CORO2A: variants seen among roughly 807,000 people sequenced by gnomAD.
The protein encoded by CORO2A is coronin 2A.
Under a neutral mutation model 62.4 loss-of-function variants are expected in CORO2A, and 47 were observed. The observed-to-expected ratio is 0.75, with a 90% confidence interval of 0.60 to 0.96. The LOEUF (loss-of-function observed/expected upper bound fraction) is 0.96, where lower values mean the gene tolerates loss of function less well. CORO2A is among the 40% of genes least tolerant of loss of function. The probability of loss-of-function intolerance (pLI) is 0.00; values close to 1 mark genes in which losing one functional copy is unlikely to be tolerated. For missense variants in CORO2A, 610 were observed against 684.1 expected (o/e 0.89, Z 1.21); for synonymous variants, 273 against 268.9 (o/e 1.02, Z -0.15).
intron 3 of CORO2A, 40 bp downstream of exon 3, chr9:98,137,532 C>T: frequency 1.3e-6 from 2 of 1,542,190 alleles, no homozygotes; most frequent in South Asian, 1.1e-5. Context: ...CCCAATCCCA[C>T]TCTTCAGGAA....
In CORO2A at chr9:98,173,590, G is replaced by A. The variant is rs529245318; in HGVS notation, c.1-15930C>T. Among the ~76,000 whole-genome samples, 43 of 152,210 alleles carry A rather than the reference G, an allele frequency of 2.8e-4. No individual in the cohort carries two copies. The South Asian group carries it at 8.3e-3, about 29-fold the overall frequency. ...TTGCATGCTCTGAGGCCAGCACTCC[G>A]GAACTGGGCGTCCCAATCCTCCTCG... On this transcript the variant is annotated intron_variant, in intron 1 of 11. Coordinates refer to ENST00000375077, the MANE Select transcript of CORO2A (RefSeq NM_052820.4).
intron 3 of CORO2A, among the ~76,000 whole-genome samples, chr9:98,135,894 G>C (rs61080625): frequency 2.0e-5 from 3 of 152,280 alleles, no homozygotes; most frequent in African/African-American, 2.4e-5. Context: ...ATAGAACCCC[G>C]GGAGGAAGAC....
At chr9:98,188,414 T>C (rs528372555) in intron 1 of CORO2A, among the ~76,000 whole-genome samples, 6 of 152,332 alleles carry the variant, frequency 3.9e-5, no homozygotes, top group Middle Eastern at 3.4e-3. Flanking sequence ...GGGGAAGATC[T>C]TTCTGGTCTA....
intron 1 of CORO2A, among the ~76,000 whole-genome samples, chr9:98,180,066 G>C (rs1306292690): frequency 6.6e-6 from 1 of 152,046 alleles, no homozygotes; most frequent in Non-Finnish European, 1.5e-5. Context: ...GACATTTTAC[G>C]ATCATAATGT....
chr9:98,136,095 G>T (rs1016042436), intron 3 of CORO2A, among the ~76,000 whole-genome samples: 1 of 152,220 alleles, frequency 6.6e-6, no homozygotes, highest in African/African-American at 2.4e-5. Context: ...CAACAGTCAC[G>T]TCCTGCCCTG....
chr9:98,124,089 C>G lies in CORO2A; in HGVS notation c.*685G>C, dbSNP rs896417163. 1 of 150,622 alleles carries G rather than the reference C, an allele frequency of 6.6e-6. No homozygotes were observed. The highest frequency in any genetic ancestry group is 1.5e-5 in the Non-Finnish European group (1 of 67,830). 9.3% of individuals were successfully genotyped at this position (150,622 alleles called of 1,614,324 possible). A position where few individuals can be genotyped will look rare whatever the true frequency, so the allele number is the denominator to read the frequency against. ...AGTGCAGTGGCACAATCTCAGCTCACTGCAACCCCCGCCTTCCGGTTTCAA... is the reference window on the plus strand; with the variant it reads ...AGTGCAGTGGCACAATCTCAGCTCAGTGCAACCCCCGCCTTCCGGTTTCAA... On this transcript the variant is annotated 3_prime_UTR_variant, in exon 12 of 12. Transcript: ENST00000375077.
chr9:98,145,157 G>A (rs868598376), intron 2 of CORO2A, among the ~76,000 whole-genome samples: 20 of 152,154 alleles, frequency 1.3e-4, no homozygotes, highest in Middle Eastern at 6.3e-3. Context: ...GGATGAAAGC[G>A]GTGAACCACA....
At chr9:98,128,069 G>A (rs1181861890) in intron 10 of CORO2A, 101 bp downstream of exon 10, 2 of 914,268 alleles carry the variant, frequency 2.2e-6, no homozygotes, top group Non-Finnish European at 3.5e-6. Flanking sequence ...GAGGTCATGA[G>A]AGAAGAAAAA....
intron 1 of CORO2A, among the ~76,000 whole-genome samples, chr9:98,180,882 G>A (rs1828167718): frequency 6.6e-6 from 1 of 152,158 alleles, no homozygotes; most frequent in African/African-American, 2.4e-5. Context: ...ACCATGCTCA[G>A]CAACACCTTT....
intron 5 of CORO2A, 66 bp downstream of exon 5, chr9:98,132,972 C>T (rs1827430282): frequency 3.2e-6 from 5 of 1,566,424 alleles, no homozygotes; most frequent in Non-Finnish European, 4.4e-6. Context: ...TCTCTGAAGC[C>T]TCTCTCTGTC....
At chr9:98,139,041 G>A (rs541020455) in intron 2 of CORO2A, among the ~76,000 whole-genome samples, 4 of 123,026 alleles carry the variant, frequency 3.3e-5, no homozygotes, top group African/African-American at 9.3e-5. Flanking sequence ...GCAAGATTCT[G>A]TCTCAAAAAA....
chr9:98,131,204 CG>C, intron 6 of CORO2A, 145 bp from the exon 7 acceptor site: 4 of 606,650 alleles, frequency 6.6e-6, no homozygotes, highest in African/African-American at 1.9e-5. Flanking sequence ...TATGTGTGTG[CG>C]GGGGGAAGAT....
chr9:98,130,437 C>A (rs1286243928), intron 7 of CORO2A, among the ~76,000 whole-genome samples: 2 of 152,180 alleles, frequency 1.3e-5, no homozygotes, highest in East Asian at 3.9e-4. Flanking sequence ...CCAAAGCCCA[C>A]CCTTTTTCCT....
In CORO2A at chr9:98,167,561, T is replaced by C. The variant is rs886767103; in HGVS notation, c.1-9901A>G. ...GAAAAAGGGACAAGGGTCATTACAG[T>C]TCAGAAGAGACTTAAGAGATCAGAG... On this transcript the variant is annotated intron_variant, in intron 1 of 11. Coordinates refer to ENST00000375077, the MANE Select transcript of CORO2A (RefSeq NM_052820.4). Among the ~76,000 whole-genome samples the C allele has an allele frequency of 2.0e-5, 3 of 152,352 alleles. No individual in the cohort carries two copies. The East Asian group carries it at 5.8e-4, about 29-fold the overall frequency.
At chr9:98,179,221 CCTA>C (rs1314839682) in intron 1 of CORO2A, among the ~76,000 whole-genome samples, 1 of 152,172 alleles carries the variant, frequency 6.6e-6, no homozygotes, top group Non-Finnish European at 1.5e-5. Flanking sequence ...TCTGGAAGGT[CCTA>C]CTTGAGTGTC....
At chr9:98,138,888 A>T (rs1378887847) in intron 2 of CORO2A, among the ~76,000 whole-genome samples, 1 of 152,028 alleles carries the variant, frequency 6.6e-6, no homozygotes, top group Non-Finnish European at 1.5e-5. Context: ...CTCTACTAAA[A>T]TACAAAAAAT....
chr9:98,150,189 C>T (rs1398087937), intron 2 of CORO2A, among the ~76,000 whole-genome samples: 1 of 152,144 alleles, frequency 6.6e-6, no homozygotes. Flanking sequence ...CCTCGGCTTC[C>T]CAAAGTGCTG....
At chr9:98,137,479 G>T in intron 3 of CORO2A, 93 bp downstream of exon 3, 1 of 998,696 alleles carries the variant, frequency 1.0e-6, no homozygotes, top group Non-Finnish European at 1.6e-6. Flanking sequence ...GATGGAGTCA[G>T]GGGCACCAGA....
chr9:98,165,217 T>C (rs7032548), intron 1 of CORO2A, among the ~76,000 whole-genome samples: 52,681 of 152,040 alleles, frequency 0.35, 9,861 homozygotes, highest in African/African-American at 0.49. Context: ...CCTCAGCCTC[T>C]CAAAGTGCTG....
Sources: gnomAD v4.1 joint callset for allele counts (sites outside exome capture counted in the v4.1 genomes callset) on GRCh38, gnomAD v4.1.1 for gene constraint, MANE v1.5 for transcripts, NCBI Gene and HGNC (gene_info 2026-07-23, HGNC 2026-07-21) for gene names.